The following LAMA2 variants were observed in gnomAD, a reference collection of about 807,000 sequenced individuals.
The protein encoded by LAMA2 is laminin subunit alpha-2.
In LAMA2, 269 loss-of-function variants were observed where a neutral mutation model predicts 364.8. The observed-to-expected ratio is 0.74, with a 90% CI of 0.67 to 0.82. The LOEUF (loss-of-function observed/expected upper bound fraction) is 0.82, where lower values mean the gene tolerates loss of function less well. Ranked by LOEUF, LAMA2 falls within the 40% of genes least tolerant of loss-of-function variation. The pLI, the probability that LAMA2 is intolerant of heterozygous loss-of-function variation, is 0.00. For synonymous variants in LAMA2, 1,379 were observed against 1,370.6 expected (o/e 1.01, Z -0.14); for missense variants, 3,807 against 3,873.2 (o/e 0.98, Z 0.45).
chr6:129,353,418 C>A, intron 32 of LAMA2, 61 bp downstream of exon 32: 6 of 1,330,194 alleles, frequency 4.5e-6, no homozygotes, highest in Non-Finnish European at 6.3e-6. Flanking sequence ...GTCTCATTTC[C>A]AATGAGAAAG....
chr6:129,289,555 C>T (rs1789534207), intron 19 of LAMA2, among the ~76,000 whole-genome samples: 1 of 152,100 alleles, frequency 6.6e-6, no homozygotes, highest in Non-Finnish European at 1.5e-5. Context: ...GACATTTTAT[C>T]CTGTCTTCCA....
intron 22 of LAMA2, among the ~76,000 whole-genome samples, chr6:129,311,620 T>C (rs1305632765): frequency 6.6e-6 from 1 of 152,198 alleles, no homozygotes; most frequent in Non-Finnish European, 1.5e-5. Flanking sequence ...GCACAGCTGG[T>C]CCCTGAAATG....
intron 1 of LAMA2, among the ~76,000 whole-genome samples, chr6:128,983,277 G>T (rs1164083422): frequency 4.6e-5 from 7 of 151,940 alleles, no homozygotes; most frequent in Non-Finnish European, 1.0e-4. Context: ...AGCCCCTGTT[G>T]TTTCCTGACT....
rs142965498 is a variant in LAMA2 at position 129,192,842 on chromosome 6, C to T, written c.1771C>T (p.Leu591=). Residue 591 remains leucine (L), a synonymous_variant, in exon 12 of 65, where the codon CTG becomes TTG. Coordinates refer to ENST00000421865, the MANE Select transcript of LAMA2 (RefSeq NM_000426.4). The stretch of plus-strand genomic sequence containing the variant: ...CTACTGGAGCGCGCCGGCTCCCTAT[C>T]TGGGAAACAAAGTAAGTCCACGCTT... ...SYYWSAPAPY[L]GNKLPAVGGQ... is the part of the protein sequence containing the mutation. The T allele has an allele frequency of 1.5e-4, 248 of 1,613,988 alleles. 3 individuals are homozygous for T. The African/African-American group carries it at 2.8e-3, about 18-fold the overall frequency.
At chr6:129,342,615 A>T (rs1057432977) in intron 30 of LAMA2, 148 bp downstream of exon 30, 7 of 706,722 alleles carry the variant, frequency 9.9e-6, no homozygotes, top group Non-Finnish European at 1.6e-5. Context: ...AACATGACAA[A>T]AGTGAGTATA....
intron 9 of LAMA2, among the ~76,000 whole-genome samples, chr6:129,176,606 G>C (rs529613236): frequency 6.6e-6 from 1 of 152,056 alleles, no homozygotes; most frequent in South Asian, 2.1e-4. Flanking sequence ...CTTATTTGAA[G>C]CATAAACATA....
chr6:129,274,664 A>G (rs919225951), intron 17 of LAMA2, among the ~76,000 whole-genome samples: 1 of 152,026 alleles, frequency 6.6e-6, no homozygotes, highest in African/African-American at 2.4e-5. Flanking sequence ...TAAATTATAC[A>G]TATATATCAA....
intron 9 of LAMA2, among the ~76,000 whole-genome samples, chr6:129,173,341 C>T (rs1562299679): frequency 6.6e-6 from 1 of 152,166 alleles, no homozygotes; most frequent in Non-Finnish European, 1.5e-5. Flanking sequence ...TCCTTCATTC[C>T]ACCATCCATA....
chr6:129,089,851 C>T (rs1042411690), intron 3 of LAMA2, among the ~76,000 whole-genome samples: 10 of 152,124 alleles, frequency 6.6e-5, no homozygotes, highest in Non-Finnish European at 1.2e-4. Context: ...TCGTGTTACT[C>T]GTTTTCTTAA....
intron 34 of LAMA2, among the ~76,000 whole-genome samples, chr6:129,376,126 A>C (rs942969120): frequency 6.6e-6 from 1 of 152,174 alleles, no homozygotes. Context: ...GATGACATAC[A>C]GTGCTCTCCC....
intron 3 of LAMA2, among the ~76,000 whole-genome samples, chr6:129,070,102 G>A (rs1049672122): frequency 3.6e-4 from 55 of 152,094 alleles, no homozygotes; most frequent in African/African-American, 1.2e-3. Flanking sequence ...TGACTTATGC[G>A]TTGGTACATT....
Position 129,445,817 on chromosome 6 carries a change from A to T in LAMA2, c.6425A>T (p.Asn2142Ile). ...ATAAACCAAGCTCGGAAACAAGCCAATTCTGTAAGTTCTTTTTATCGTCAG... is the reference window on the plus strand; with the variant it reads ...ATAAACCAAGCTCGGAAACAAGCCATTTCTGTAAGTTCTTTTTATCGTCAG... ...ELINQARKQA[N>I]SIKVSVSSGG... Residue 2142 changes from asparagine (N) to isoleucine (I), a missense_variant, in exon 45 of 65, where the codon AAT becomes ATT. Physicochemically the swap from Asn to Ile is moderately radical, Grantham distance 149. This residue lies in a region of LAMA2 where 3,333 missense variants were observed against 3,345.7 expected (regional missense o/e 1.00). Coordinates refer to ENST00000421865, the MANE Select transcript of LAMA2 (RefSeq NM_000426.4). 1 of 1,612,750 alleles carries T rather than the reference A, an allele frequency of 6.2e-7. No homozygotes were observed. Among genetic ancestry groups the T allele is most frequent in the South Asian group, 1.1e-5 (1 of 91,060 alleles).
At chr6:129,286,651 TTATA>T in intron 18 of LAMA2, among the ~76,000 whole-genome samples, 1 of 78,098 alleles carries the variant, frequency 1.3e-5, no homozygotes, top group African/African-American at 6.3e-5. Context: ...TATATTATAT[TTATA>T]TAATATATAT....
intron 1 of LAMA2, among the ~76,000 whole-genome samples, chr6:129,034,149 A>G (rs1465678071): frequency 2.0e-5 from 3 of 152,142 alleles, no homozygotes; most frequent in South Asian, 2.1e-4. Context: ...ACTTGAAGTT[A>G]GACAAGAATC....
chr6:129,454,210 T>C lies in LAMA2; in HGVS notation c.6629T>C (p.Val2210Ala), dbSNP rs78880369. 1.1e-4 allele frequency: 177 copies of C among 1,612,566 alleles called. No individual in the cohort carries two copies. In the African/African-American group the frequency reaches 2.2e-3, roughly 20 times the overall value. ...GGCAAAGTCAGCTTCCTCTGGGATG[T>C]TGGATCTGGAGTTGGACGTGTAGAG... is the stretch of plus-strand genomic sequence containing the variant. ...RKGKVSFLWDVGSGVGRVEYP... is the reference protein window; with the variant it reads ...RKGKVSFLWDAGSGVGRVEYP... Residue 2210 changes from valine (V) to alanine (A), a missense_variant, in exon 47 of 65, where the codon GTT becomes GCT. Physicochemically the swap from Val to Ala is moderately conservative, Grantham distance 64 (BLOSUM62 0). Around this residue, in one of 3 missense-constraint regions of LAMA2, gnomAD observed 3,333 missense variants for 3,345.7 expected, o/e 1.00. Transcript: ENST00000421865.
chr6:129,155,599 G>T (rs1779066600), intron 8 of LAMA2, among the ~76,000 whole-genome samples: 1 of 152,032 alleles, frequency 6.6e-6, no homozygotes, highest in African/African-American at 2.4e-5. Flanking sequence ...GTAAATGTTT[G>T]TGTGTGGTGT....
At chr6:129,065,557 T>A (rs985936351) in intron 3 of LAMA2, among the ~76,000 whole-genome samples, 2 of 152,090 alleles carry the variant, frequency 1.3e-5, no homozygotes, top group African/African-American at 4.8e-5. Flanking sequence ...ATTCTGTAAA[T>A]TAGCAGGATA....
At chr6:129,487,216 T>G (rs958062473) in intron 56 of LAMA2, among the ~76,000 whole-genome samples, 10 of 152,334 alleles carry the variant, frequency 6.6e-5, no homozygotes, top group Non-Finnish European at 1.3e-4. Context: ...CCTGGCCACC[T>G]TTTTACAAAT....
chr6:129,508,180 T>A (rs1786260547), intron 62 of LAMA2, among the ~76,000 whole-genome samples: 1 of 152,136 alleles, frequency 6.6e-6, no homozygotes, highest in African/African-American at 2.4e-5. Flanking sequence ...AAGGTACAGT[T>A]AGGAAAAAGA....
Sources: gnomAD v4.1 joint callset for allele counts (sites outside exome capture counted in the v4.1 genomes callset) on GRCh38, gnomAD v4.1.1 for gene constraint, gnomAD v4.1.1 regional missense constraint, MANE v1.5 for transcripts, NCBI Gene and HGNC (gene_info 2026-07-23, HGNC 2026-07-21) for gene names.